COLEC10: variants seen among roughly 807,000 people sequenced by gnomAD.
COLEC10 encodes the protein collectin-10.
Under a neutral mutation model 28.4 loss-of-function variants are expected in COLEC10, and 22 were observed. That is an observed-to-expected ratio of 0.78 (90% CI 0.55 to 1.11). The LOEUF is 1.11. Ranked by LOEUF, COLEC10 falls within the 50% of genes least tolerant of loss-of-function variation. The pLI, the probability that COLEC10 is intolerant of heterozygous loss-of-function variation, is 0.00. For missense variants in COLEC10, 361 were observed against 344.1 expected (o/e 1.05, Z -0.39); for synonymous variants, 125 against 116.1 (o/e 1.08, Z -0.49).
chr8:119,047,622 C>T (rs1478928141), intron 2 of COLEC10, among the ~76,000 whole-genome samples: 2 of 152,052 alleles, frequency 1.3e-5, no homozygotes, highest in African/African-American at 4.8e-5. Flanking sequence ...TGTTTGTCTC[C>T]TTTTAGAACT....
chr8:119,028,061 G>A (rs953167407), intron 2 of COLEC10, among the ~76,000 whole-genome samples: 5 of 151,588 alleles, frequency 3.3e-5, no homozygotes, highest in African/African-American at 1.2e-4. Context: ...AATTCACAAA[G>A]CATGTACTCA....
At chr8:119,093,859 T>C (rs1041311662) in intron 3 of COLEC10, among the ~76,000 whole-genome samples, 2 of 152,162 alleles carry the variant, frequency 1.3e-5, no homozygotes, top group Admixed American at 6.5e-5. Flanking sequence ...TATTTCCCCA[T>C]TGAAAATGCA....
At chr8:119,061,762 A>T (rs1389259038) in intron 2 of COLEC10, among the ~76,000 whole-genome samples, 1 of 152,074 alleles carries the variant, frequency 6.6e-6, no homozygotes, top group Non-Finnish European at 1.5e-5. Flanking sequence ...AGAAAAAAAA[A>T]GACGCAGATA....
intron 2 of COLEC10, among the ~76,000 whole-genome samples, chr8:119,022,122 G>GA (rs937999181): frequency 7.9e-5 from 12 of 151,760 alleles, no homozygotes; most frequent in African/African-American, 1.9e-4. Flanking sequence ...TGATATTTTA[G>GA]AAAAAAAATG....
At chr8:119,083,901 T>C (rs1326928308) in intron 1 of COLEC10, among the ~76,000 whole-genome samples, 1 of 152,152 alleles carries the variant, frequency 6.6e-6, no homozygotes, top group East Asian at 1.9e-4. Flanking sequence ...GACTATAAAA[T>C]TCCTATTTTG....
chr8:118,981,494 A>G, the COLEC10 span, among the ~76,000 whole-genome samples: 1 of 152,230 alleles, frequency 6.6e-6, no homozygotes, highest in African/African-American at 2.4e-5. Context: ...AATAAAATGT[A>G]TATTTTATCC....
chr8:119,080,200 C>T (rs1182039749), intron 1 of COLEC10, among the ~76,000 whole-genome samples: 4 of 152,042 alleles, frequency 2.6e-5, no homozygotes, highest in African/African-American at 4.8e-5. Context: ...GTGTCTCCTC[C>T]CACCCCATCA....
intron 3 of COLEC10, among the ~76,000 whole-genome samples, chr8:119,096,364 T>C (rs1815716902): frequency 6.6e-6 from 1 of 152,148 alleles, no homozygotes; most frequent in Non-Finnish European, 1.5e-5. Context: ...AGCCAAGGCA[T>C]GTAGGTCACC....
At chr8:119,020,382 C>A (rs1251927271) in intron 2 of COLEC10, among the ~76,000 whole-genome samples, 1 of 152,100 alleles carries the variant, frequency 6.6e-6, no homozygotes, top group Non-Finnish European at 1.5e-5. Flanking sequence ...ATAAAATATT[C>A]CCTATTCAAA....
chr8:119,089,627 G>T, intron 1 of COLEC10, 53 bp from the exon 2 acceptor site: 2 of 1,399,716 alleles, frequency 1.4e-6, no homozygotes, highest in Non-Finnish European at 2.0e-6. Context: ...GGGAGAATGT[G>T]CTCATGTTAC....
At chr8:119,001,688 G>A (rs1813703577) in intron 1 of COLEC10, among the ~76,000 whole-genome samples, 1 of 144,148 alleles carries the variant, frequency 6.9e-6, no homozygotes, top group African/African-American at 2.7e-5. Flanking sequence ...ACTTTTACCA[G>A]ACACCAGCCA....
At chr8:118,989,007 C>A in the COLEC10 span, among the ~76,000 whole-genome samples, 2,869 of 152,124 alleles carry the variant, frequency 0.019, 89 homozygotes, top group African/African-American at 0.066. Context: ...TCTGAAGGGA[C>A]AAAGCAGTCA....
chr8:119,021,695 C>G (rs16891861), intron 2 of COLEC10, among the ~76,000 whole-genome samples: 6,691 of 152,192 alleles, frequency 0.044, 216 homozygotes, highest in East Asian at 0.16. Context: ...GGTTCAATGT[C>G]TTTTTCTAGA....
intron 1 of COLEC10, among the ~76,000 whole-genome samples, chr8:119,069,629 A>AAAAAAAATAAATATATATATAT (rs1554627284): frequency 2.3e-5 from 1 of 42,876 alleles, no homozygotes; most frequent in African/African-American, 7.5e-5. Flanking sequence ...AAAAAAAAAA[A>AAAAAAAATAAATATATATATAT]ATATATATAT....
the COLEC10 span, among the ~76,000 whole-genome samples, chr8:118,960,138 A>T: frequency 6.6e-6 from 1 of 152,084 alleles, no homozygotes; most frequent in Non-Finnish European, 1.5e-5. Flanking sequence ...GGTGGATAAG[A>T]GTTGGGGGTA....
the COLEC10 span, among the ~76,000 whole-genome samples, chr8:118,989,901 A>G: frequency 2.0e-5 from 3 of 152,150 alleles, no homozygotes; most frequent in African/African-American, 7.2e-5. Context: ...AAATCCAAAT[A>G]TCTGAAATGT....
intron 2 of COLEC10, among the ~76,000 whole-genome samples, chr8:119,051,995 C>G (rs1163824317): frequency 6.6e-6 from 1 of 151,960 alleles, no homozygotes; most frequent in Non-Finnish European, 1.5e-5. Flanking sequence ...TTATGGCATA[C>G]CAAATGTCAA....
the COLEC10 span, among the ~76,000 whole-genome samples, chr8:118,962,097 A>G: frequency 6.6e-6 from 1 of 152,176 alleles, no homozygotes; most frequent in East Asian, 1.9e-4. Context: ...AATGTTGTGA[A>G]ACATTTGCAG....
At chr8:118,969,579 C>T in the COLEC10 span, among the ~76,000 whole-genome samples, 2 of 151,916 alleles carry the variant, frequency 1.3e-5, no homozygotes, top group African/African-American at 4.8e-5. Context: ...TGGAGAGTCC[C>T]CCATAAGTGA....
Sources: allele counts gnomAD v4.1 joint callset (sites outside exome capture counted in the v4.1 genomes callset), GRCh38; gene constraint gnomAD v4.1.1; transcripts MANE v1.5; gene names NCBI Gene and HGNC (gene_info 2026-07-23, HGNC 2026-07-21).